Variants in TENM3 observed in about 807,000 individuals in gnomAD.
The protein encoded by TENM3 is teneurin-3.
A neutral mutation model predicts 255.1 loss-of-function variants in TENM3; 63 were observed. The ratio of observed to expected loss-of-function variants is 0.25; its 90% CI spans 0.20 to 0.30. The LOEUF (loss-of-function observed/expected upper bound fraction) is 0.30, where lower values mean the gene tolerates loss of function less well. Ranked by LOEUF, TENM3 falls within the 10% of genes least tolerant of loss-of-function variation. TENM3 has a pLI of 1.00. For missense variants in TENM3, 2,929 were observed against 3,461.1 expected (o/e 0.85, Z 3.86); for synonymous variants, 1,306 against 1,322.3 (o/e 0.99, Z 0.27).
At chr4:181,964,774 G>A in the TENM3 span, among the ~76,000 whole-genome samples, 5 of 152,134 alleles carry the variant, frequency 3.3e-5, no homozygotes, top group African/African-American at 4.8e-5. Context: ...GAGAGTAAAC[G>A]TAGATACAGG....
chr4:181,487,683 G>C, the TENM3 span, among the ~76,000 whole-genome samples: 23 of 152,126 alleles, frequency 1.5e-4, no homozygotes, highest in African/African-American at 5.5e-4. Flanking sequence ...CAAACATTCA[G>C]ATCATAGCAA....
chr4:182,154,122 C>T (rs1203087282), intron 1 of TENM3, among the ~76,000 whole-genome samples: 1 of 151,532 alleles, frequency 6.6e-6, no homozygotes, highest in African/African-American at 2.4e-5. Flanking sequence ...ATTATTAATG[C>T]ACATTATGCT....
At chr4:182,109,470 A>T in the TENM3 span, among the ~76,000 whole-genome samples, 5 of 152,206 alleles carry the variant, frequency 3.3e-5, no homozygotes, top group Admixed American at 6.5e-5. Flanking sequence ...AGAAAGAAAA[A>T]TATTACACCT....
intron 22 of TENM3, among the ~76,000 whole-genome samples, chr4:182,763,421 T>C (rs974392074): frequency 6.6e-6 from 1 of 151,876 alleles, no homozygotes; most frequent in Admixed American, 6.6e-5. Context: ...AAAAATTAGC[T>C]GGGCGTGGTG....
At chr4:182,172,770 G>A (rs1237839516) in intron 1 of TENM3, among the ~76,000 whole-genome samples, 1 of 152,064 alleles carries the variant, frequency 6.6e-6, no homozygotes, top group Non-Finnish European at 1.5e-5. Flanking sequence ...ATATCTTGGT[G>A]GATATGTTTC....
the TENM3 span, among the ~76,000 whole-genome samples, chr4:182,028,144 A>T: frequency 6.6e-6 from 1 of 152,052 alleles, no homozygotes; most frequent in Non-Finnish European, 1.5e-5. Flanking sequence ...CTTTGATCTC[A>T]TTACTTGTTA....
Position 182,796,630 on chromosome 4 carries a change from C to T in TENM3, c.7214-7C>T. Reference sequence around the variant, plus strand: ...AACACCTTTCATTCTGAACATTCTTCTCCTAGATGTTAACAGCTGGCTGGT... The same window carrying T: ...AACACCTTTCATTCTGAACATTCTTTTCCTAGATGTTAACAGCTGGCTGGT... On this transcript the variant is annotated splice_region_variant and splice_polypyrimidine_tract_variant and intron_variant, in intron 26 of 27. Coordinates refer to ENST00000511685, the MANE Select transcript of TENM3 (RefSeq NM_001080477.4). 1 of 1,600,864 alleles carries T rather than the reference C, an allele frequency of 6.2e-7. No homozygotes were observed. Among genetic ancestry groups the T allele is most frequent in the East Asian group, 2.2e-5 (1 of 44,468 alleles).
the TENM3 span, among the ~76,000 whole-genome samples, chr4:181,749,160 G>A: frequency 1.3e-5 from 2 of 151,848 alleles, no homozygotes; most frequent in African/African-American, 2.4e-5. Flanking sequence ...TTTATCCCTT[G>A]TGATTAGGAA....
At chr4:181,450,437 T>TG in the TENM3 span, among the ~76,000 whole-genome samples, 1 of 152,204 alleles carries the variant, frequency 6.6e-6, no homozygotes, top group South Asian at 2.1e-4. Flanking sequence ...AATCGTTTTC[T>TG]TCCTAGGGAC....
chr4:182,027,501 T>A, the TENM3 span, among the ~76,000 whole-genome samples: 1 of 152,182 alleles, frequency 6.6e-6, no homozygotes, highest in African/African-American at 2.4e-5. Context: ...GGATTTGCAG[T>A]ACTATATTGA....
intron 19 of TENM3, among the ~76,000 whole-genome samples, chr4:182,748,683 A>G (rs7674691): frequency 6.6e-6 from 1 of 151,882 alleles, no homozygotes; most frequent in Non-Finnish European, 1.5e-5. Flanking sequence ...AGAGACCAGC[A>G]TCTAACAACC....
chr4:181,614,539 T>G, the TENM3 span, among the ~76,000 whole-genome samples: 2 of 152,174 alleles, frequency 1.3e-5, no homozygotes, highest in African/African-American at 4.8e-5. Flanking sequence ...ACCATGTATT[T>G]TAAAGGCAAT....
chr4:182,303,902 C>G (rs1034707695), intron 1 of TENM3, among the ~76,000 whole-genome samples: 1 of 152,100 alleles, frequency 6.6e-6, no homozygotes, highest in Admixed American at 6.5e-5. Flanking sequence ...TAATTCGAAG[C>G]TTTCCTCTTT....
the TENM3 span, among the ~76,000 whole-genome samples, chr4:181,954,917 A>G: frequency 6.6e-6 from 1 of 152,216 alleles, no homozygotes; most frequent in African/African-American, 2.4e-5. Flanking sequence ...ACATTCGTTC[A>G]TATATATACA....
intron 3 of TENM3, among the ~76,000 whole-genome samples, chr4:182,476,719 C>A (rs1733715899): frequency 1.3e-5 from 2 of 152,188 alleles, no homozygotes; most frequent in South Asian, 2.1e-4. Context: ...CTGAACAATA[C>A]TTCCACGGAT....
chr4:181,962,702 T>C, the TENM3 span, among the ~76,000 whole-genome samples: 1 of 152,178 alleles, frequency 6.6e-6, no homozygotes, highest in East Asian at 1.9e-4. Context: ...GCCTCCAAAG[T>C]AAAGCCTACA....
At chr4:181,955,233 G>T in the TENM3 span, among the ~76,000 whole-genome samples, 2 of 152,076 alleles carry the variant, frequency 1.3e-5, no homozygotes, top group Non-Finnish European at 2.9e-5. Flanking sequence ...TTCAGATAAG[G>T]AATCTTCCAC....
At chr4:181,664,974 C>T in the TENM3 span, among the ~76,000 whole-genome samples, 29 of 152,096 alleles carry the variant, frequency 1.9e-4, no homozygotes, top group Non-Finnish European at 4.0e-4. Flanking sequence ...ATTAACAGTG[C>T]CAACTATTTG....
the TENM3 span, among the ~76,000 whole-genome samples, chr4:181,865,899 T>C: frequency 2.0e-5 from 3 of 152,172 alleles, no homozygotes; most frequent in Non-Finnish European, 4.4e-5. Flanking sequence ...ACAGAGAAAT[T>C]GGTCAGTTTA....
Sources: allele counts gnomAD v4.1 joint callset (sites outside exome capture counted in the v4.1 genomes callset), GRCh38; gene constraint gnomAD v4.1.1; transcripts MANE v1.5; gene names NCBI Gene and HGNC (gene_info 2026-07-23, HGNC 2026-07-21).